OXR1: variants seen among roughly 807,000 people sequenced by gnomAD.
OXR1 encodes the protein oxidation resistance protein 1.
OXR1 carries 41 observed loss-of-function variants against 104.6 expected under a neutral mutation model. That is an observed-to-expected ratio of 0.39 (90% CI 0.31 to 0.51). The LOEUF (loss-of-function observed/expected upper bound fraction) is 0.51. Among genes scored for constraint, OXR1 ranks in the 20% least tolerant of loss-of-function variants. The probability of loss-of-function intolerance (pLI) is 0.77; values close to 1 mark genes in which losing one functional copy is unlikely to be tolerated. For missense variants in OXR1, 955 were observed against 1,031.9 expected (o/e 0.93, Z 1.02); for synonymous variants, 348 against 348.4 (o/e 1.00, Z 0.01).
At chr8:106,621,064 C>T (rs956103860) in intron 3 of OXR1, among the ~76,000 whole-genome samples, 5 of 152,084 alleles carry the variant, frequency 3.3e-5, no homozygotes. Flanking sequence ...AGAGGAGAAC[C>T]GTGAAATCTA....
intron 2 of OXR1, among the ~76,000 whole-genome samples, chr8:106,364,244 G>C (rs930671801): frequency 2.0e-5 from 3 of 152,076 alleles, no homozygotes; most frequent in Non-Finnish European, 2.9e-5. Context: ...CACTTTAATA[G>C]GAAATAAATA....
intron 3 of OXR1, among the ~76,000 whole-genome samples, chr8:106,603,603 T>A (rs1820132635): frequency 1.3e-5 from 2 of 152,218 alleles, no homozygotes; most frequent in Non-Finnish European, 2.9e-5. Flanking sequence ...TGATGGGTGA[T>A]TGTTATTTTG....
intron 1 of OXR1, among the ~76,000 whole-genome samples, chr8:106,347,180 A>C (rs375896934): frequency 3.3e-4 from 51 of 152,390 alleles, no homozygotes; most frequent in African/African-American, 1.2e-3. Flanking sequence ...CTTGTTTAAG[A>C]GAAGCCAATT....
At position 106,359,451 on chromosome 8, in the gene OXR1, A is replaced by G. The variant is rs147027846; in HGVS notation, c.-138-25A>G. 3,153 of 614,416 alleles carry G rather than the reference A, an allele frequency of 5.1e-3. 17 individuals are homozygous for G. Among genetic ancestry groups the G allele is most frequent in the Non-Finnish European group, 7.3e-3 (2,481 of 340,796 alleles). 38.1% of individuals were successfully genotyped at this position (614,416 alleles called of 1,614,324 possible). A position where few individuals can be genotyped will look rare whatever the true frequency, so the allele number is the denominator to read the frequency against. ...ACCACATAGACCAGGTACTAGAGATATTCATTTATTTCTTTTCTTTATAGG... is the reference window on the plus strand; with the variant it reads ...ACCACATAGACCAGGTACTAGAGATGTTCATTTATTTCTTTTCTTTATAGG... On this transcript the variant is annotated intron_variant, in intron 1 of 16. Coordinates refer to ENST00000517566, the MANE Select transcript of OXR1 (RefSeq NM_001198533.2).
At chr8:106,456,282 A>G (rs1820590798) in intron 2 of OXR1, among the ~76,000 whole-genome samples, 1 of 152,110 alleles carries the variant, frequency 6.6e-6, no homozygotes, top group Non-Finnish European at 1.5e-5. Context: ...TCCTCCAACA[A>G]TTCAAATTCA....
chr8:106,313,857 CTG>C (rs1199473030), intron 1 of OXR1, among the ~76,000 whole-genome samples: 8 of 152,152 alleles, frequency 5.3e-5, no homozygotes, highest in Non-Finnish European at 7.4e-5. Context: ...CTTCATTTCT[CTG>C]TAGCAGAAAC....
At chr8:106,671,806 C>A (rs1827014364) in intron 3 of OXR1, among the ~76,000 whole-genome samples, 1 of 119,616 alleles carries the variant, frequency 8.4e-6, no homozygotes, top group Non-Finnish European at 1.6e-5. Context: ...CATCACACAC[C>A]AGGGCCTGTC....
intron 1 of OXR1, among the ~76,000 whole-genome samples, chr8:106,311,302 A>G (rs1389586897): frequency 6.6e-6 from 1 of 151,794 alleles, no homozygotes; most frequent in Non-Finnish European, 1.5e-5. Context: ...CTGTTCTTGC[A>G]TTGTTCCTTT....
At chr8:106,401,685 C>T (rs992408777) in intron 2 of OXR1, among the ~76,000 whole-genome samples, 1 of 152,164 alleles carries the variant, frequency 6.6e-6, no homozygotes, top group Non-Finnish European at 1.5e-5. Context: ...TATCCTTCAT[C>T]TCAGAAGAGA....
intron 3 of OXR1, among the ~76,000 whole-genome samples, chr8:106,537,469 A>G (rs1246705903): frequency 6.6e-6 from 1 of 152,150 alleles, no homozygotes; most frequent in Non-Finnish European, 1.5e-5. Context: ...TGGCTCCAGA[A>G]CAAAGGAAAG....
At chr8:106,346,733 T>C (rs994235655) in intron 1 of OXR1, among the ~76,000 whole-genome samples, 1 of 139,092 alleles carries the variant, frequency 7.2e-6, no homozygotes. Flanking sequence ...GCCCTTTCTG[T>C]TGAGTTCCAA....
At chr8:106,560,986 T>TA (rs565071697) in intron 3 of OXR1, among the ~76,000 whole-genome samples, 161 of 152,270 alleles carry the variant, frequency 1.1e-3, no homozygotes, top group African/African-American at 3.6e-3. Flanking sequence ...GCCCAGATAC[T>TA]ATGCTTTTCC....
intron 3 of OXR1, among the ~76,000 whole-genome samples, chr8:106,607,722 G>T (rs1250788102): frequency 6.6e-6 from 1 of 152,174 alleles, no homozygotes; most frequent in African/African-American, 2.4e-5. Context: ...CAGACATTGT[G>T]CTTAGACATT....
intron 2 of OXR1, among the ~76,000 whole-genome samples, chr8:106,439,230 C>T (rs895583391): frequency 6.6e-6 from 1 of 151,776 alleles, no homozygotes; most frequent in Admixed American, 6.6e-5. Flanking sequence ...GAGTAAAGCC[C>T]CGGTGATGGG....
At chr8:106,280,651 G>A (rs535390604) in intron 1 of OXR1, among the ~76,000 whole-genome samples, 1 of 152,254 alleles carries the variant, frequency 6.6e-6, no homozygotes, top group South Asian at 2.1e-4. Context: ...CTGGAGATGG[G>A]TGGTGGTGAT....
intron 1 of OXR1, among the ~76,000 whole-genome samples, chr8:106,282,039 A>T (rs1380905316): frequency 6.6e-6 from 1 of 152,064 alleles, no homozygotes; most frequent in Non-Finnish European, 1.5e-5. Context: ...CTTTCCCCCT[A>T]CCCCAAACTT....
intron 2 of OXR1, among the ~76,000 whole-genome samples, chr8:106,455,114 T>C (rs1226096324): frequency 6.6e-6 from 1 of 152,144 alleles, no homozygotes; most frequent in East Asian, 1.9e-4. Flanking sequence ...AGTTCCAGAG[T>C]TGTCCAGGGA....
At chr8:106,702,279 AT>A (rs1227211911) in intron 7 of OXR1, among the ~76,000 whole-genome samples, 1 of 152,116 alleles carries the variant, frequency 6.6e-6, no homozygotes, top group Non-Finnish European at 1.5e-5. Flanking sequence ...ATTTATATAA[AT>A]ATATTTAAAA....
chr8:106,325,004 T>C (rs985953222), intron 1 of OXR1, among the ~76,000 whole-genome samples: 1 of 152,148 alleles, frequency 6.6e-6, no homozygotes, highest in African/African-American at 2.4e-5. Context: ...CTGCTAATAG[T>C]GTGACCTCCT....
Sources: allele counts gnomAD v4.1 joint callset (sites outside exome capture counted in the v4.1 genomes callset), GRCh38; gene constraint gnomAD v4.1.1; transcripts MANE v1.5; gene names NCBI Gene and HGNC (gene_info 2026-07-23, HGNC 2026-07-21).